The following MCTP1 variants were observed in gnomAD, a reference collection of about 807,000 sequenced individuals.
MCTP1 encodes the protein multiple C2 and transmembrane domain containing 1, also known as multiple C2 and transmembrane domain-containing protein 1.
MCTP1 carries 69 observed loss-of-function variants against 120.6 expected under a neutral mutation model. That is an observed-to-expected ratio of 0.57 (90% CI 0.47 to 0.70). MCTP1 has a LOEUF of 0.70. MCTP1 is among the 30% of genes least tolerant of loss of function. The probability of loss-of-function intolerance (pLI) is 0.00; values close to 1 mark genes in which losing one functional copy is unlikely to be tolerated. For missense variants in MCTP1, 1,203 were observed against 1,248.8 expected, an observed-to-expected ratio of 0.96 and a Z score of 0.55; for synonymous variants, 529 against 493.1, an observed-to-expected ratio of 1.07 and a Z score of -0.96.
intron 19 of MCTP1, among the ~76,000 whole-genome samples, chr5:94,766,407 G>A (rs1298779430): frequency 6.6e-6 from 1 of 152,100 alleles, no homozygotes; most frequent in Non-Finnish European, 1.5e-5. Context: ...ATCATTCTGA[G>A]CAAGCTATCG....
intron 19 of MCTP1, among the ~76,000 whole-genome samples, chr5:94,765,643 G>C (rs796999920): frequency 5.3e-5 from 8 of 150,034 alleles, no homozygotes; most frequent in African/African-American, 2.0e-4. Context: ...GGAGGTTGCT[G>C]TGAGCCGAGA....
At chr5:94,784,946 A>T (rs967897278) in intron 18 of MCTP1, 1 of 152,118 alleles carries the variant, frequency 6.6e-6, no homozygotes, top group Admixed American at 6.5e-5. Context: ...GATTCTTAAT[A>T]AGGAATGTGG....
chr5:95,047,680 C>T (rs997982360), intron 1 of MCTP1, among the ~76,000 whole-genome samples: 4 of 152,066 alleles, frequency 2.6e-5, no homozygotes, highest in Admixed American at 2.0e-4. Context: ...TTTTAGTAGT[C>T]TAATGCCTAG....
chr5:95,248,702 A>G (rs1757070668), intron 1 of MCTP1, among the ~76,000 whole-genome samples: 1 of 152,172 alleles, frequency 6.6e-6, no homozygotes. Context: ...AAAAGAGCCC[A>G]CATAACCAAG....
At chr5:94,908,821 A>G (rs946857621) in intron 10 of MCTP1, among the ~76,000 whole-genome samples, 2 of 152,046 alleles carry the variant, frequency 1.3e-5, no homozygotes, top group Non-Finnish European at 2.9e-5. Context: ...CAGATTTATG[A>G]ACTCCAAGGA....
chr5:94,916,572 G>A (rs1472112018), intron 8 of MCTP1, among the ~76,000 whole-genome samples: 1 of 152,130 alleles, frequency 6.6e-6, no homozygotes, highest in Non-Finnish European at 1.5e-5. Context: ...GCTCATTGAG[G>A]GAGTGGGGAT....
chr5:95,230,511 G>T (rs1051617745), intron 1 of MCTP1, among the ~76,000 whole-genome samples: 2 of 152,076 alleles, frequency 1.3e-5, no homozygotes, highest in African/African-American at 2.4e-5. Flanking sequence ...GAGCCCTGTG[G>T]GAGGGTTGGA....
chr5:95,265,089 C>T (rs147752130), intron 1 of MCTP1, among the ~76,000 whole-genome samples: 16 of 152,278 alleles, frequency 1.1e-4, no homozygotes, highest in African/African-American at 3.6e-4. Flanking sequence ...TATTAGACAT[C>T]TCCGTTCCTA....
chr5:95,164,030 G>A (rs114352917), intron 1 of MCTP1, among the ~76,000 whole-genome samples: 1,575 of 152,028 alleles, frequency 0.01, 30 homozygotes, highest in African/African-American at 0.035. Flanking sequence ...TTGTATCTAT[G>A]ATTTATTACT....
intron 1 of MCTP1, among the ~76,000 whole-genome samples, chr5:95,173,786 G>C (rs1747635068): frequency 6.7e-6 from 1 of 149,956 alleles, no homozygotes; most frequent in Non-Finnish European, 1.5e-5. Context: ...CAACCACAAA[G>C]CAATCTGGAG....
chr5:95,139,860 T>C (rs1387643295), intron 1 of MCTP1, among the ~76,000 whole-genome samples: 4 of 152,218 alleles, frequency 2.6e-5, no homozygotes, highest in Non-Finnish European at 5.9e-5. Context: ...GAATAATAAA[T>C]GAATAACGGA....
intron 1 of MCTP1, among the ~76,000 whole-genome samples, chr5:95,210,225 A>G (rs1262566821): frequency 6.6e-6 from 1 of 152,112 alleles, no homozygotes; most frequent in Non-Finnish European, 1.5e-5. Flanking sequence ...ATTCCTGGGT[A>G]TCCTTTTAAC....
In MCTP1 at chr5:94,866,074, CA is replaced by C. The variant is rs1581103450; in HGVS notation, c.2436+2258del. On this transcript the variant is annotated intron_variant, in intron 17 of 22. Coordinates refer to ENST00000515393, the MANE Select transcript of MCTP1 (RefSeq NM_024717.7). Reference sequence around the variant, plus strand: ...ATGGAAACGCCAGGAAAATTTGCTACAATAGTACTAAGCTATGTTTATCATG... The same window carrying C: ...ATGGAAACGCCAGGAAAATTTGCTACATAGTACTAAGCTATGTTTATCATG... 2.0e-5 allele frequency among the ~76,000 whole-genome samples: 3 copies of C among 152,002 alleles called. No individual in the cohort carries two copies. In the East Asian group the frequency reaches 5.8e-4, roughly 30 times the overall value.
At chr5:95,222,096 G>A (rs1033261525) in intron 1 of MCTP1, among the ~76,000 whole-genome samples, 2 of 152,302 alleles carry the variant, frequency 1.3e-5, no homozygotes, top group African/African-American at 4.8e-5. Flanking sequence ...AAGACTGGAG[G>A]TAATCAGCCC....
rs144534440 is a variant in MCTP1, at chr5:95,153,263, T to C, written c.720+130593A>G. Among the ~76,000 whole-genome samples, 510 of 152,302 alleles carry C rather than the reference T, an allele frequency of 3.3e-3. 2 individuals are homozygous for C. The highest frequency in any genetic ancestry group is 0.012 in the African/African-American group (488 of 41,560). On this transcript the variant is annotated intron_variant, in intron 1 of 22. Coordinates refer to ENST00000515393, the MANE Select transcript of MCTP1 (RefSeq NM_024717.7). ...CGACCTCTCCTGCCACCATGTAATA[T>C]ATGCCTTGCTTCCCTTTCGCCCTCC...
chr5:95,039,950 A>T (rs1033448126), intron 1 of MCTP1, among the ~76,000 whole-genome samples: 10 of 151,942 alleles, frequency 6.6e-5, no homozygotes, highest in Non-Finnish European at 1.5e-4. Context: ...CGAGTAGATA[A>T]CACTAGGTGT....
At chr5:94,951,076 C>A (rs893519105) in intron 3 of MCTP1, among the ~76,000 whole-genome samples, 10 of 152,064 alleles carry the variant, frequency 6.6e-5, no homozygotes, top group Non-Finnish European at 1.5e-4. Context: ...ACATACATTG[C>A]ACCCATTAAG....
At chr5:95,170,879 G>A (rs2152496096) in intron 1 of MCTP1, among the ~76,000 whole-genome samples, 1 of 152,264 alleles carries the variant, frequency 6.6e-6, no homozygotes, top group African/African-American at 2.4e-5. Flanking sequence ...GCCAGTCTGT[G>A]TCTTTTAATT....
At chr5:94,745,150 A>T (rs2152770736) in intron 19 of MCTP1, among the ~76,000 whole-genome samples, 1 of 152,180 alleles carries the variant, frequency 6.6e-6, no homozygotes, top group East Asian at 1.9e-4. Context: ...GCAAGGTCTA[A>T]GGGGAAGTTT....
Sources: gnomAD v4.1 joint callset for allele counts (sites outside exome capture counted in the v4.1 genomes callset) on GRCh38, gnomAD v4.1.1 for gene constraint, MANE v1.5 for transcripts, NCBI Gene and HGNC (gene_info 2026-07-23, HGNC 2026-07-21) for gene names.